DLGAP1: variants seen among roughly 807,000 people sequenced by gnomAD.
DLGAP1 encodes DLG associated protein 1.
A neutral mutation model predicts 90.8 loss-of-function variants in DLGAP1; 11 were observed. That is an observed-to-expected ratio of 0.12 (90% CI 0.08 to 0.20). DLGAP1 has a LOEUF of 0.20. Among genes scored for constraint, DLGAP1 ranks in the 10% least tolerant of loss-of-function variants. The pLI, the probability that DLGAP1 is intolerant of heterozygous loss-of-function variation, is 1.00. For missense variants in DLGAP1, 1,050 were observed against 1,333.8 expected (o/e 0.79, Z 3.31); for synonymous variants, 558 against 540.7 (o/e 1.03, Z -0.44).
At chr18:3,754,303 C>T (rs1379551468) in intron 5 of DLGAP1, among the ~76,000 whole-genome samples, 2 of 152,130 alleles carry the variant, frequency 1.3e-5, no homozygotes, top group South Asian at 2.1e-4. Context: ...TACTCAGCCT[C>T]CTACTTCAAA....
At chr18:3,799,066 G>A (rs1400345616) in intron 5 of DLGAP1, among the ~76,000 whole-genome samples, 2 of 152,064 alleles carry the variant, frequency 1.3e-5, no homozygotes, top group Admixed American at 1.3e-4. Flanking sequence ...TACAGACGGG[G>A]GGTTTTCACC....
intron 7 of DLGAP1, among the ~76,000 whole-genome samples, chr18:3,614,967 G>C (rs1453317401): frequency 6.7e-6 from 1 of 149,112 alleles, no homozygotes; most frequent in South Asian, 2.2e-4. Flanking sequence ...TGTTGCCCAG[G>C]TTGGAGTGCA....
intron 2 of DLGAP1, among the ~76,000 whole-genome samples, chr18:4,088,116 T>G (rs2075714288): frequency 6.6e-6 from 1 of 151,768 alleles, no homozygotes; most frequent in Middle Eastern, 3.2e-3. Flanking sequence ...ATTTCCTATT[T>G]TAATTTTAAA....
At chr18:3,818,120 T>A (rs1420363506) in intron 4 of DLGAP1, among the ~76,000 whole-genome samples, 1 of 152,178 alleles carries the variant, frequency 6.6e-6, no homozygotes, top group African/African-American at 2.4e-5. Flanking sequence ...AAAAAAGGAT[T>A]AATTGCTTTT....
rs1349602494 is a variant in DLGAP1, at chr18:4,005,111, C to T, written c.-73+5G>A. On this transcript the variant is annotated splice_donor_5th_base_variant and intron_variant, in intron 3 of 12. Transcript: ENST00000315677. ...TTCCCTTACTGCTTCCCAACCATGA[C>T]TTACTGTTCTTAGCGCCGTTGTCAT... 1 of 152,130 alleles carries T rather than the reference C, an allele frequency of 6.6e-6. No individual in the cohort carries two copies. The highest frequency in any genetic ancestry group is 1.5e-5 in the Non-Finnish European group (1 of 68,038). The allele number at this position is 152,130 out of a possible 1,614,324, so 9.4% of individuals were successfully genotyped here.
At position 3,821,567 on chromosome 18, in the gene DLGAP1, G is replaced by A. The variant is rs147255686; in HGVS notation, c.958-7294C>T. 2.3e-3 allele frequency among the ~76,000 whole-genome samples: 356 copies of A among 152,286 alleles called. 3 individuals carry two copies. The highest frequency in any genetic ancestry group is 8.1e-3 in the African/African-American group (337 of 41,552). On this transcript the variant is annotated intron_variant, in intron 4 of 12. Transcript: ENST00000315677. ...CTAATTTTCTAGCACTGCTAAAAGA[G>A]GGTTCAAAATAATAAACACTTAATT...
rs1348272532 is a variant in DLGAP1 at position 4,378,634 on chromosome 18, T to C, written c.-267+76372A>G. Among the ~76,000 whole-genome samples the C allele has an allele frequency of 6.6e-6, 1 of 152,160 alleles. No individual in the cohort carries two copies. The highest frequency in any genetic ancestry group is 1.5e-5 in the Non-Finnish European group (1 of 68,020). The stretch of plus-strand genomic sequence containing the variant: ...TGGTGGGGAGGCACACTACACAATT[T>C]GAAAGCACCTAAGGTGCTCCGTACC... On this transcript the variant is annotated intron_variant, in intron 1 of 12. Transcript: ENST00000315677. This position sits in a 1 kb window ranked among gnomAD's most constrained non-coding sequence, Gnocchi z 4.5.
intron 1 of DLGAP1, among the ~76,000 whole-genome samples, chr18:4,166,673 A>G (rs2076938448): frequency 6.6e-6 from 1 of 152,216 alleles, no homozygotes; most frequent in South Asian, 2.1e-4. Context: ...TGAACAGATA[A>G]ATGAATGAAC....
intron 2 of DLGAP1, among the ~76,000 whole-genome samples, chr18:4,064,463 A>G (rs1361104387): frequency 1.3e-5 from 2 of 152,068 alleles, no homozygotes; most frequent in Admixed American, 1.3e-4. Context: ...CAACAAAGAA[A>G]AAAAGAGAGA....
intron 4 of DLGAP1, 34 bp from the exon 5 acceptor site, chr18:3,814,307 A>G: frequency 6.4e-7 from 1 of 1,571,054 alleles, no homozygotes; most frequent in Non-Finnish European, 8.7e-7. Context: ...ATCACTTTTT[A>G]TAAAAGCCTA....
chr18:3,506,339 C>A (rs542835444), intron 11 of DLGAP1, among the ~76,000 whole-genome samples: 2 of 151,808 alleles, frequency 1.3e-5, no homozygotes, highest in African/African-American at 4.8e-5. Context: ...CATGGAGAAA[C>A]CCTGTCTCTA....
chr18:4,362,355 G>A (rs1288499962), intron 1 of DLGAP1, among the ~76,000 whole-genome samples: 3 of 152,096 alleles, frequency 2.0e-5, no homozygotes, highest in Non-Finnish European at 2.9e-5. Context: ...ATGGAGGAAT[G>A]GATAAACAAA....
intron 10 of DLGAP1, among the ~76,000 whole-genome samples, chr18:3,525,733 T>C (rs1335462317): frequency 1.3e-5 from 2 of 152,210 alleles, no homozygotes; most frequent in Non-Finnish European, 2.9e-5. Flanking sequence ...GAAACAGTTA[T>C]TGGAGAAAAT....
intron 3 of DLGAP1, among the ~76,000 whole-genome samples, chr18:3,980,101 G>T (rs565902267): frequency 6.6e-6 from 1 of 151,966 alleles, no homozygotes. Context: ...GTGCCATTGC[G>T]CTCCAGCCTG....
At chr18:3,525,104 T>A (rs60737638) in intron 10 of DLGAP1, among the ~76,000 whole-genome samples, 33,061 of 97,434 alleles carry the variant, frequency 0.34, 4,748 homozygotes, top group African/African-American at 0.53. Context: ...AAAAAAAAAA[T>A]CAACAACATT....
intron 7 of DLGAP1, among the ~76,000 whole-genome samples, chr18:3,695,086 C>A (rs1366098197): frequency 6.6e-6 from 1 of 151,758 alleles, no homozygotes; most frequent in Non-Finnish European, 1.5e-5. Flanking sequence ...ACTACAGGCA[C>A]CCACCATTAT....
At chr18:4,370,106 T>A (rs1049475540) in intron 1 of DLGAP1, among the ~76,000 whole-genome samples, 1 of 152,076 alleles carries the variant, frequency 6.6e-6, no homozygotes, top group Non-Finnish European at 1.5e-5. Flanking sequence ...AATAAGGCTA[T>A]AGGTGAGGGG....
At chr18:4,135,379 C>T (rs1478261542) in intron 2 of DLGAP1, among the ~76,000 whole-genome samples, 3 of 152,118 alleles carry the variant, frequency 2.0e-5, no homozygotes, top group Non-Finnish European at 2.9e-5. Context: ...AGGCCCTAAA[C>T]ATGGTCAATA....
intron 1 of DLGAP1, among the ~76,000 whole-genome samples, chr18:4,254,566 C>T (rs1163410840): frequency 6.6e-6 from 1 of 152,168 alleles, no homozygotes; most frequent in East Asian, 1.9e-4. Flanking sequence ...CATTTGGGAG[C>T]ACTACCCAAA....
Sources: allele counts gnomAD v4.1 joint callset (sites outside exome capture counted in the v4.1 genomes callset), GRCh38; gene constraint gnomAD v4.1.1; non-coding constraint Gnocchi (gnomAD v3.1); transcripts MANE v1.5; gene names NCBI Gene and HGNC (gene_info 2026-07-23, HGNC 2026-07-21).